TRA2B: variants seen among roughly 807,000 people sequenced by gnomAD.
The protein encoded by TRA2B is transformer-2 protein homolog beta.
Under a neutral mutation model 41.7 loss-of-function variants are expected in TRA2B, and 14 were observed. The observed-to-expected ratio is 0.34, with a 90% confidence interval of 0.22 to 0.53. TRA2B has a LOEUF of 0.53. TRA2B is among the 20% of genes least tolerant of loss of function. The pLI, the probability that TRA2B is intolerant of heterozygous loss-of-function variation, is 0.95. For synonymous variants in TRA2B, 130 were observed against 128.8 expected (o/e 1.01, Z -0.06); for missense variants, 167 against 396.8 (o/e 0.42, Z 4.92).
chr3:185,937,796 C>G, intron 1 of TRA2B, 29 bp downstream of exon 1: 1 of 1,614,138 alleles, frequency 6.2e-7, no homozygotes. Flanking sequence ...TAGGACCACA[C>G]AGCCACCCCC....
chr3:185,921,258 G>T, intron 5 of TRA2B, 71 bp from the exon 6 acceptor site: 2 of 1,307,182 alleles, frequency 1.5e-6, no homozygotes, highest in Non-Finnish European at 2.2e-6. Flanking sequence ...CTACTAGTAG[G>T]CCTTTTCTGA....
intron 1 of TRA2B, chr3:185,927,461 T>C (rs1364297481): frequency 2.6e-5 from 4 of 152,192 alleles, no homozygotes; most frequent in African/African-American, 9.7e-5. Context: ...TCCAGCTAAA[T>C]GGAGATGAGC....
intron 6 of TRA2B, among the ~76,000 whole-genome samples, chr3:185,920,635 A>T (rs1035258243): frequency 5.9e-5 from 9 of 151,760 alleles, no homozygotes; most frequent in Non-Finnish European, 1.3e-4. Context: ...ATTCACTGCA[A>T]CCTCTGCCTG....
chr3:185,921,957 T>C, intron 5 of TRA2B, 54 bp downstream of exon 5: 1 of 1,365,352 alleles, frequency 7.3e-7, no homozygotes, highest in Non-Finnish European at 1.0e-6. Flanking sequence ...AATACAAGTG[T>C]TTCTTTGACA....
chr3:185,925,273 T>G, intron 3 of TRA2B, 191 bp downstream of exon 3: 2 of 602,486 alleles, frequency 3.3e-6, no homozygotes, highest in Non-Finnish European at 5.5e-6. Context: ...TTATGCTTAA[T>G]TGACAGGCAG....
chr3:185,921,335 T>C, intron 5 of TRA2B, 148 bp from the exon 6 acceptor site: 1 of 678,702 alleles, frequency 1.5e-6, no homozygotes, highest in African/African-American at 1.8e-5. Flanking sequence ...AACATTGCCC[T>C]TTCCCTTGTT....
At chr3:185,934,363 C>T (rs1578487803) in intron 1 of TRA2B, 1 of 985,378 alleles carries the variant, frequency 1.0e-6, no homozygotes, top group East Asian at 1.1e-4. Flanking sequence ...TAAGGCAAAT[C>T]CCATTAACAC....
intron 1 of TRA2B, chr3:185,931,654 C>G: frequency 7.8e-7 from 1 of 1,282,166 alleles, no homozygotes; most frequent in East Asian, 3.1e-5. Context: ...TCTTCCGTTT[C>G]AAATTCTGAC....
chr3:185,926,280 C>G (rs1743949588), intron 2 of TRA2B, among the ~76,000 whole-genome samples: 1 of 151,810 alleles, frequency 6.6e-6, no homozygotes, highest in Non-Finnish European at 1.5e-5. Context: ...ATTTGCCATA[C>G]TAGTAAGCAG....
At chr3:185,936,141 T>C (rs1399222030) in intron 1 of TRA2B, 4 of 985,342 alleles carry the variant, frequency 4.1e-6, no homozygotes, top group African/African-American at 1.7e-5. Context: ...TCGAGAGCTC[T>C]AGTCAGAAGC....
chr3:185,920,479 T>C (rs1457080892), intron 6 of TRA2B, among the ~76,000 whole-genome samples: 2 of 152,226 alleles, frequency 1.3e-5, no homozygotes, highest in Non-Finnish European at 2.9e-5. Flanking sequence ...TTCCCTATGC[T>C]GCTCAGGCTG....
At chr3:185,934,657 G>A (rs1578488100) in intron 1 of TRA2B, 1 of 985,200 alleles carries the variant, frequency 1.0e-6, no homozygotes, top group African/African-American at 1.7e-5. Context: ...TCTTTAGAAA[G>A]AAGTAGATTC....
At chr3:185,932,608 G>A (rs372439010) in intron 1 of TRA2B, among the ~76,000 whole-genome samples, 1 of 152,154 alleles carries the variant, frequency 6.6e-6, no homozygotes, top group Non-Finnish European at 1.5e-5. Context: ...AAAATATTAA[G>A]TCTTCTGGAT....
In TRA2B at chr3:185,915,596, G is replaced by T. The variant is rs922754302; in HGVS notation, c.*2119C>A. ...TTGGTAAAATTCCAAATTTTCCTCA[G>T]TCTTTTGCCTGTTAACACTCTTTGT... On this transcript the variant is annotated 3_prime_UTR_variant, in exon 9 of 9. Transcript: ENST00000453386. Among the ~76,000 whole-genome samples the T allele has an allele frequency of 1.3e-5, 2 of 152,238 alleles. No homozygotes were observed. Among genetic ancestry groups the T allele is most frequent in the South Asian group, 4.1e-4 (2 of 4,834 alleles).
intron 1 of TRA2B, chr3:185,927,725 A>G (rs559740686): frequency 6.6e-6 from 1 of 152,364 alleles, no homozygotes; most frequent in South Asian, 2.1e-4. Flanking sequence ...AACCAGGATA[A>G]CTAGGTCACC....
At position 185,917,118 on chromosome 3, in the gene TRA2B, T is replaced by TA. The variant is rs1351737847; in HGVS notation, c.*596_*597insT. On this transcript the variant is annotated 3_prime_UTR_variant, in exon 9 of 9. Coordinates refer to ENST00000453386, the MANE Select transcript of TRA2B (RefSeq NM_004593.3). Reference sequence around the variant, plus strand: ...TTACATAAAAGCCGACAAATCCACATTGATATAAGCATTAAGCACTGGCTG... The same window carrying TA: ...TTACATAAAAGCCGACAAATCCACATATGATATAAGCATTAAGCACTGGCTG... The TA allele has an allele frequency of 6.6e-6, 1 of 152,268 alleles. No individual in the cohort carries two copies. Among genetic ancestry groups the TA allele is most frequent in the Non-Finnish European group, 1.5e-5 (1 of 68,080 alleles). The allele number at this position is 152,268 out of a possible 1,614,324, so 9.4% of individuals were successfully genotyped here.
chr3:185,919,513 G>A lies in TRA2B; in HGVS notation c.723-17C>T, dbSNP rs1438601079. On this transcript the variant is annotated splice_polypyrimidine_tract_variant and intron_variant, in intron 6 of 8. Coordinates refer to ENST00000453386, the MANE Select transcript of TRA2B (RefSeq NM_004593.3). ...CCTCCTCCTCTGTGAAGACAGAAAG[G>A]CAACACAACACGCATTCAGTTTGTA... is the stretch of plus-strand genomic sequence containing the variant. The A allele has an allele frequency of 6.2e-7, 1 of 1,605,484 alleles. No individual in the cohort carries two copies. Among genetic ancestry groups the A allele is most frequent in the South Asian group, 1.1e-5 (1 of 89,644 alleles).
chr3:185,924,060 C>A, intron 3 of TRA2B, 76 bp from the exon 4 acceptor site: 1 of 1,332,028 alleles, frequency 7.5e-7, no homozygotes, highest in Middle Eastern at 1.9e-4. Context: ...GAGCTGTATA[C>A]TAGCCAAAAT....
At chr3:185,935,106 TTCA>T (rs1744298293) in intron 1 of TRA2B, 2 of 985,304 alleles carry the variant, frequency 2.0e-6, no homozygotes, top group East Asian at 1.1e-4. Context: ...TACCCTGCAC[TTCA>T]TCAACTTTTT....
Sources: gnomAD v4.1 joint callset for allele counts (sites outside exome capture counted in the v4.1 genomes callset) on GRCh38, gnomAD v4.1.1 for gene constraint, MANE v1.5 for transcripts, NCBI Gene and HGNC (gene_info 2026-07-23, HGNC 2026-07-21) for gene names.